CLIP1: variants seen among roughly 807,000 people sequenced by gnomAD.
CLIP1 encodes CAP-Gly domain-containing linker protein 1.
In CLIP1, 66 loss-of-function variants were observed where a neutral mutation model predicts 161.6. That is an observed-to-expected ratio of 0.41 (90% CI 0.33 to 0.50). The LOEUF is 0.50. CLIP1 is among the 20% of genes least tolerant of loss of function. CLIP1 has a pLI of 0.27. For synonymous variants in CLIP1, 598 were observed against 626.2 expected (o/e 0.96, Z 0.67); for missense variants, 1,376 against 1,702.0 (o/e 0.81, Z 3.37).
chr12:122,343,448 T>G (rs1300744959), intron 10 of CLIP1: 2 of 152,118 alleles, frequency 1.3e-5, no homozygotes, highest in African/African-American at 2.4e-5. Context: ...ATCATTTTAT[T>G]AAAACACAAA....
At position 122,340,792 on chromosome 12, in the gene CLIP1, A is replaced by C. The variant is rs774798604; in HGVS notation, c.2412T>G (p.Ile804Met). The C allele has an allele frequency of 2.5e-6, 4 of 1,605,032 alleles. No individual in the cohort carries two copies. The South Asian group carries it at 4.5e-5, about 18-fold the overall frequency. Residue 804 changes from isoleucine (I) to methionine (M), a missense_variant, in exon 11 of 26, where the codon ATT becomes ATG. Ile to Met is a conservative substitution (Grantham distance 10). Transcript: ENST00000620786. Reference sequence around the variant, plus strand: ...CATTCTTTTCAATCTCTAAATGTTTAATCTGTTTCTCAGCTGCCTCAAGCT... The same window carrying C: ...CATTCTTTTCAATCTCTAAATGTTTCATCTGTTTCTCAGCTGCCTCAAGCT... ...RQQLEAAEKQ[I>M]KHLEIEKNAE... is the part of the protein sequence containing the mutation.
intron 2 of CLIP1, among the ~76,000 whole-genome samples, chr12:122,379,688 T>C (rs1954912122): frequency 6.6e-6 from 1 of 151,426 alleles, no homozygotes; most frequent in Non-Finnish European, 1.5e-5. Flanking sequence ...CTCACACCTA[T>C]AATCCAGCAC....
chr12:122,278,459 C>T (rs962172214), intron 23 of CLIP1: 18 of 560,190 alleles, frequency 3.2e-5, no homozygotes, highest in Non-Finnish European at 5.0e-5. Flanking sequence ...ATGCCTGTCA[C>T]GTCCATCTGA....
chr12:122,356,994 C>A (rs1261098862), intron 5 of CLIP1, among the ~76,000 whole-genome samples: 5 of 152,204 alleles, frequency 3.3e-5, no homozygotes, highest in Admixed American at 1.3e-4. Flanking sequence ...GCTACAACCT[C>A]CACCTCCCAG....
intron 5 of CLIP1, among the ~76,000 whole-genome samples, chr12:122,359,751 G>A (rs1036586499): frequency 3.3e-5 from 5 of 152,104 alleles, no homozygotes; most frequent in East Asian, 1.9e-4. Flanking sequence ...TTCTCTGCCC[G>A]ACGACAATGG....
chr12:122,398,028 G>A (rs1211652930), intron 1 of CLIP1, among the ~76,000 whole-genome samples: 8 of 151,964 alleles, frequency 5.3e-5, no homozygotes, highest in Non-Finnish European at 1.2e-4. Flanking sequence ...ATATGGTATA[G>A]TGGCAAGCTT....
intron 1 of CLIP1, among the ~76,000 whole-genome samples, chr12:122,404,690 C>CAAG (rs879809579): frequency 6.6e-6 from 1 of 150,650 alleles, no homozygotes; most frequent in African/African-American, 2.4e-5. Context: ...AGGTCGGATC[C>CAAG]ATCAAGACCA....
chr12:122,415,394 A>G (rs1956710939), intron 1 of CLIP1, among the ~76,000 whole-genome samples: 1 of 151,308 alleles, frequency 6.6e-6, no homozygotes, highest in South Asian at 2.1e-4. Context: ...AGGCAGGAGA[A>G]TGCCGTGAAC....
At chr12:122,390,288 ATATATATATATATATG>A (rs1230362677) in intron 1 of CLIP1, among the ~76,000 whole-genome samples, 3 of 131,726 alleles carry the variant, frequency 2.3e-5, no homozygotes, top group Non-Finnish European at 3.2e-5. Context: ...ACATATATAT[ATATATATATATATATG>A]TATATATATA....
chr12:122,315,086 C>T (rs1368222732), intron 19 of CLIP1, among the ~76,000 whole-genome samples: 1 of 152,126 alleles, frequency 6.6e-6, no homozygotes, highest in African/African-American at 2.4e-5. Context: ...CAGATCACTC[C>T]CAGGAAAATT....
At chr12:122,343,004 G>A (rs1952575137) in intron 10 of CLIP1, 1 of 151,826 alleles carries the variant, frequency 6.6e-6, no homozygotes, top group East Asian at 1.9e-4. Flanking sequence ...TTGTACATGT[G>A]TGGCTTACAT....
intron 9 of CLIP1, among the ~76,000 whole-genome samples, chr12:122,349,362 C>T (rs956238968): frequency 1.3e-5 from 2 of 152,242 alleles, no homozygotes; most frequent in African/African-American, 4.8e-5. Context: ...TAGCCAACGC[C>T]TCCTTACTGA....
chr12:122,333,095 A>G lies in CLIP1; in HGVS notation c.2759T>C (p.Ile920Thr). ...ATTTTCCAGTTTTTCCTTTGCCTTT[A>G]TCAGCTGCTCTTCTCTCTCATCTTT... is the stretch of plus-strand genomic sequence containing the variant. ...REKDEREEQL[I>T]KAKEKLENDI... The change falls in exon 15 of 26, where the codon ATA (isoleucine) becomes ACA (threonine). Residue 920 changes from isoleucine (I) to threonine (T), a missense_variant. Ile to Thr is a moderately conservative substitution (Grantham distance 89). This residue lies in a region of CLIP1 where 948 missense variants were observed against 1,134.8 expected (regional missense o/e 0.84). Transcript: ENST00000620786. 6.2e-7 allele frequency: 1 copy of G among 1,613,568 alleles called. No homozygotes were observed. Among genetic ancestry groups the G allele is most frequent in the Non-Finnish European group, 8.5e-7 (1 of 1,179,706 alleles).
intron 15 of CLIP1, among the ~76,000 whole-genome samples, chr12:122,332,448 C>T (rs7975747): frequency 0.79 from 119,110 of 151,660 alleles, 47,117 homozygotes; most frequent in African/African-American, 0.86. Flanking sequence ...TTAGATGGAG[C>T]GTCTCTCTAT....
At chr12:122,377,238 G>A in intron 3 of CLIP1, 151 bp downstream of exon 3, 2 of 645,764 alleles carry the variant, frequency 3.1e-6, no homozygotes, top group Non-Finnish European at 5.3e-6. Flanking sequence ...TTGAACTCCT[G>A]ACCTCGTGAT....
intron 4 of CLIP1, among the ~76,000 whole-genome samples, chr12:122,362,500 G>A (rs1953898560): frequency 6.6e-6 from 1 of 150,760 alleles, no homozygotes; most frequent in African/African-American, 2.4e-5. Context: ...AATTATCTGG[G>A]CGTGGTGGTG....
intron 3 of CLIP1, among the ~76,000 whole-genome samples, chr12:122,373,754 A>G (rs1000916757): frequency 2.0e-5 from 3 of 152,204 alleles, no homozygotes; most frequent in African/African-American, 7.2e-5. Flanking sequence ...TTACTGTTTT[A>G]AATTAAGACC....
chr12:122,292,065 C>T (rs1299550952), intron 20 of CLIP1, among the ~76,000 whole-genome samples: 1 of 152,166 alleles, frequency 6.6e-6, no homozygotes, highest in Non-Finnish European at 1.5e-5. Context: ...AATCTCGGCT[C>T]ACTGCAACCT....
intron 21 of CLIP1, among the ~76,000 whole-genome samples, chr12:122,281,383 G>A (rs1313297572): frequency 6.6e-6 from 1 of 152,126 alleles, no homozygotes; most frequent in Non-Finnish European, 1.5e-5. Context: ...GTCACCCAAA[G>A]ATGCAATAAA....
Sources: allele counts gnomAD v4.1 joint callset (sites outside exome capture counted in the v4.1 genomes callset), GRCh38; gene constraint gnomAD v4.1.1; regional missense constraint gnomAD v4.1.1; transcripts MANE v1.5; gene names NCBI Gene and HGNC (gene_info 2026-07-23, HGNC 2026-07-21).